SOX6: variants seen among roughly 807,000 people sequenced by gnomAD.
The protein encoded by SOX6 is transcription factor SOX-6.
In SOX6, 11 loss-of-function variants were observed where a neutral mutation model predicts 97.8. The ratio of observed to expected loss-of-function variants is 0.11; its 90% CI spans 0.07 to 0.19. The LOEUF (loss-of-function observed/expected upper bound fraction) is 0.19. Ranked by LOEUF, SOX6 falls within the 10% of genes least tolerant of loss-of-function variation. The pLI is 1.00. For synonymous variants in SOX6, 360 were observed against 371.4 expected, an observed-to-expected ratio of 0.97 and a Z score of 0.35; for missense variants, 810 against 1,039.5, an observed-to-expected ratio of 0.78 and a Z score of 3.04.
intron 3 of SOX6, among the ~76,000 whole-genome samples, chr11:16,270,694 G>T (rs545791986): frequency 1.3e-5 from 2 of 150,452 alleles, no homozygotes; most frequent in Admixed American, 1.3e-4. Context: ...CCATAAGAAG[G>T]AGTGTAGTTT....
At chr11:16,081,366 ACTTT>A (rs1848469572) in intron 9 of SOX6, among the ~76,000 whole-genome samples, 2 of 152,230 alleles carry the variant, frequency 1.3e-5, no homozygotes, top group East Asian at 1.9e-4. Context: ...GGGAACAAGA[ACTTT>A]CTTTTATCCT....
rs537005196 is a variant in SOX6 at position 16,185,712 on chromosome 11, T to C, written c.708+1071A>G. Among the ~76,000 whole-genome samples, 6 of 152,344 alleles carry C rather than the reference T, an allele frequency of 3.9e-5. No individual in the cohort carries two copies. The East Asian group carries it at 1.2e-3, about 29-fold the overall frequency. On this transcript the variant is annotated intron_variant, in intron 5 of 15. Transcript: ENST00000683767. The stretch of plus-strand genomic sequence containing the variant: ...GTCAAGATTAATTTGTGCTAGCTTA[T>C]TCACAAGTGTCAATAGTTAATTACT...
At chr11:16,101,687 C>G (rs1848950443) in intron 7 of SOX6, among the ~76,000 whole-genome samples, 1 of 151,402 alleles carries the variant, frequency 6.6e-6, no homozygotes, top group South Asian at 2.1e-4. Flanking sequence ...TTTAAAAAAT[C>G]CTCAGTTTCA....
At chr11:16,271,015 T>C (rs1274638364) in intron 3 of SOX6, among the ~76,000 whole-genome samples, 1 of 151,414 alleles carries the variant, frequency 6.6e-6, no homozygotes, top group Non-Finnish European at 1.5e-5. Context: ...AAACTGTAAC[T>C]TTTATGTTAT....
chr11:16,577,326 T>C (rs969189648), intron 4 of SOX6, among the ~76,000 whole-genome samples: 11 of 152,232 alleles, frequency 7.2e-5, no homozygotes, highest in Non-Finnish European at 1.3e-4. Context: ...TAAGTATGTA[T>C]TGCTTTTCAC....
At chr11:16,340,597 T>C (rs1856598805) in intron 2 of SOX6, among the ~76,000 whole-genome samples, 1 of 152,120 alleles carries the variant, frequency 6.6e-6, no homozygotes, top group South Asian at 2.1e-4. Flanking sequence ...CATTTTCTCA[T>C]TGAAGGTGTA....
chr11:16,377,465 G>T (rs1857672575), intron 1 of SOX6, among the ~76,000 whole-genome samples: 1 of 152,086 alleles, frequency 6.6e-6, no homozygotes, highest in East Asian at 1.9e-4. Context: ...GTCACAAAAA[G>T]AACTAAAATC....
chr11:16,609,403 A>G (rs759394051), intron 4 of SOX6, among the ~76,000 whole-genome samples: 13 of 152,220 alleles, frequency 8.5e-5, no homozygotes, highest in Non-Finnish European at 1.3e-4. Context: ...ATAGAAACTC[A>G]TATGAGATGG....
intron 6 of SOX6, among the ~76,000 whole-genome samples, chr11:16,154,643 T>C (rs1302167795): frequency 2.0e-5 from 3 of 152,102 alleles, no homozygotes; most frequent in South Asian, 2.1e-4. Context: ...TTTAAAGCCG[T>C]TTAATATTTG....
In SOX6 at chr11:15,974,460, T is replaced by C. The variant is rs865870532; in HGVS notation, c.2184-1348A>G. Among the ~76,000 whole-genome samples, 11 of 141,216 alleles carry C rather than the reference T, an allele frequency of 7.8e-5. No homozygotes were observed. The South Asian group carries it at 9.7e-4, about 12-fold the overall frequency. The allele number at this position is 141,216 out of a possible 152,430, so 92.6% of individuals were successfully genotyped here. On this transcript the variant is annotated intron_variant, in intron 15 of 15. Coordinates refer to ENST00000683767, the MANE Select transcript of SOX6 (RefSeq NM_001367873.1). ...ATTGTGCAGGTTAGTTACATATGTA[T>C]ACATGTGCCATGCTGGTGCGCTGCA... is the stretch of plus-strand genomic sequence containing the variant.
Position 16,132,414 on chromosome 11 carries a change from A to G in SOX6, c.778-20491T>C, listed in dbSNP as rs1590216593. Among the ~76,000 whole-genome samples the G allele has an allele frequency of 2.9e-5, 3 of 104,052 alleles. 1 individual carries two copies. Among genetic ancestry groups the G allele is most frequent in the African/African-American group, 4.5e-5 (1 of 22,034 alleles). The allele number at this position is 104,052 out of a possible 152,430, so 68.3% of individuals were successfully genotyped here. Reference sequence around the variant, plus strand: ...AGAAAGAAAGAAAAAAGAAAGAAAGAAAGAAAGAAAGAAAGAAAGAAAGAA... The same window carrying G: ...AGAAAGAAAGAAAAAAGAAAGAAAGGAAGAAAGAAAGAAAGAAAGAAAGAA... On this transcript the variant is annotated intron_variant, in intron 6 of 15. Transcript: ENST00000683767.
At chr11:16,724,065 GAATAT>G (rs1240936399) in intron 2 of SOX6, among the ~76,000 whole-genome samples, 1 of 152,120 alleles carries the variant, frequency 6.6e-6, no homozygotes, top group East Asian at 1.9e-4. Flanking sequence ...TTAAATTACT[GAATAT>G]AATAACTAAT....
intron 6 of SOX6, among the ~76,000 whole-genome samples, chr11:16,163,475 T>G (rs1181459090): frequency 6.6e-6 from 1 of 152,230 alleles, no homozygotes; most frequent in Non-Finnish European, 1.5e-5. Context: ...TGTATAATCC[T>G]AACTTTTTAG....
At chr11:16,309,627 G>A (rs1387475878) in intron 3 of SOX6, among the ~76,000 whole-genome samples, 2 of 152,094 alleles carry the variant, frequency 1.3e-5, no homozygotes, top group African/African-American at 4.8e-5. Context: ...GTTGGATGCT[G>A]AGTTCACAAG....
intron 3 of SOX6, among the ~76,000 whole-genome samples, chr11:16,281,464 C>T (rs1400318669): frequency 6.6e-6 from 1 of 151,926 alleles, no homozygotes; most frequent in African/African-American, 2.4e-5. Context: ...TATTTATATC[C>T]ACACATTATA....
At chr11:16,094,014 T>C (rs1264304299) in intron 9 of SOX6, among the ~76,000 whole-genome samples, 1 of 151,846 alleles carries the variant, frequency 6.6e-6, no homozygotes, top group South Asian at 2.1e-4. Context: ...AAAGGTTTCC[T>C]GACATGCAGG....
intron 4 of SOX6, among the ~76,000 whole-genome samples, chr11:16,233,504 G>A (rs1416723244): frequency 6.6e-6 from 1 of 152,036 alleles, no homozygotes; most frequent in Non-Finnish European, 1.5e-5. Flanking sequence ...ATTCTCATCT[G>A]AGTCAGAGAC....
intron 2 of SOX6, among the ~76,000 whole-genome samples, chr11:16,322,443 A>G (rs929965359): frequency 6.6e-6 from 1 of 152,128 alleles, no homozygotes; most frequent in Non-Finnish European, 1.5e-5. Flanking sequence ...TGCTTCCTGT[A>G]CAGCCTGCAG....
intron 4 of SOX6, among the ~76,000 whole-genome samples, chr11:16,514,984 G>C (rs562055019): frequency 1.1e-3 from 164 of 151,934 alleles, no homozygotes; most frequent in African/African-American, 3.3e-3. Context: ...CTTTGCTATT[G>C]TGAACAGTGC....
Sources: allele counts gnomAD v4.1 joint callset (sites outside exome capture counted in the v4.1 genomes callset), GRCh38; gene constraint gnomAD v4.1.1; transcripts MANE v1.5; gene names NCBI Gene and HGNC (gene_info 2026-07-23, HGNC 2026-07-21).